WNT2B: variants seen among roughly 807,000 people sequenced by gnomAD.
The protein encoded by WNT2B is Wnt family member 2B, also known as protein Wnt-2b.
A neutral mutation model predicts 40.5 loss-of-function variants in WNT2B; 19 were observed. The observed-to-expected ratio is 0.47, with a 90% CI of 0.33 to 0.69. The LOEUF is 0.69. Ranked by LOEUF, WNT2B falls within the 30% of genes least tolerant of loss-of-function variation. WNT2B has a pLI of 0.02. For synonymous variants in WNT2B, 220 were observed against 211.9 expected (o/e 1.04, Z -0.33); for missense variants, 467 against 556.4 (o/e 0.84, Z 1.62).
intron 1 of WNT2B, among the ~76,000 whole-genome samples, chr1:112,472,111 A>C (rs1337554288): frequency 6.6e-6 from 1 of 152,262 alleles, no homozygotes; most frequent in African/African-American, 2.4e-5. Context: ...TGACGATCAG[A>C]CAACAAAGGA....
chr1:112,519,257 A>G (rs1652725156), intron 4 of WNT2B, among the ~76,000 whole-genome samples: 1 of 152,266 alleles, frequency 6.6e-6, no homozygotes, highest in African/African-American at 2.4e-5. Context: ...GTGTTCCACT[A>G]TATGAATATG....
chr1:112,495,224 A>G (rs973818352), intron 1 of WNT2B, among the ~76,000 whole-genome samples: 5 of 151,464 alleles, frequency 3.3e-5, no homozygotes, highest in African/African-American at 1.2e-4. Context: ...GCAGAAGACA[A>G]AAATAGGTAC....
intron 1 of WNT2B, among the ~76,000 whole-genome samples, chr1:112,495,588 CAAA>C (rs1172484242): frequency 3.2e-5 from 3 of 94,506 alleles, no homozygotes; most frequent in African/African-American, 3.5e-5. Context: ...GACTCTGTCT[CAAA>C]AAAAAAAAAA....
chr1:112,525,525 C>CCGCCG lies in WNT2B; in HGVS notation c.*5016_*5017insCGCCG. On this transcript the variant is annotated 3_prime_UTR_variant, in exon 5 of 5. Transcript: ENST00000369684. ...ATATTATCTCTGAGCATCTCGGTGG[C>CCGCCG]TATTCCTCATTTACTTAAGATGTTT... 6.6e-6 allele frequency: 1 copy of CCGCCG among 151,148 alleles called. No homozygotes were observed. The highest frequency in any genetic ancestry group is 6.6e-5 in the Admixed American group (1 of 15,230). 9.4% of individuals were successfully genotyped at this position (151,148 alleles called of 1,614,324 possible). A position where few individuals can be genotyped will look rare whatever the true frequency, so the allele number is the denominator to read the frequency against.
chr1:112,514,794 C>A (rs1652468456), intron 1 of WNT2B, 80 bp from the exon 2 acceptor site: 2 of 1,405,820 alleles, frequency 1.4e-6, no homozygotes, highest in South Asian at 1.2e-5. Flanking sequence ...GGTCTGGATG[C>A]TAAACGTACC....
At position 112,486,056 on chromosome 1, in the gene WNT2B, A is replaced by AC. The variant is rs554705070; in HGVS notation, c.-95+18467dup. Among the ~76,000 whole-genome samples, 370 of 152,030 alleles carry AC rather than the reference A, an allele frequency of 2.4e-3. 2 individuals are homozygous for AC. The highest frequency in any genetic ancestry group is 8.3e-3 in the African/African-American group (343 of 41,376). On this transcript the variant is annotated intron_variant, in intron 1 of 4. Coordinates refer to the WNT2B transcript ENST00000256640. ...ATTGTTGGGTTTGATTTGATAAAACACCAGCTACTGGAAGGCTGGGAGGAT... is the reference window on the plus strand; with the variant it reads ...ATTGTTGGGTTTGATTTGATAAAACACCCAGCTACTGGAAGGCTGGGAGGAT...
At chr1:112,473,194 G>A (rs890033465) in intron 1 of WNT2B, among the ~76,000 whole-genome samples, 9 of 140,206 alleles carry the variant, frequency 6.4e-5, no homozygotes, top group East Asian at 2.2e-4. Flanking sequence ...GGACAGGAGA[G>A]AGGGAGGGAA....
chr1:112,516,015 G>C, intron 2 of WNT2B, 125 bp from the exon 3 acceptor site: 1 of 1,254,462 alleles, frequency 8.0e-7, no homozygotes, highest in Non-Finnish European at 1.1e-6. Flanking sequence ...AATAAAGGGG[G>C]TGTAGGGGTG....
chr1:112,517,130 C>T lies in WNT2B; in HGVS notation c.691C>T (p.Arg231Trp), dbSNP rs1159877308. Residue 231 changes from arginine (R) to tryptophan (W), a missense_variant, in exon 4 of 5, where the codon CGG (arginine) becomes TGG (tryptophan). Transcript: ENST00000369684. Reference protein sequence around the residue: ...NNRCGRTAVRRFLKLECKCHG... With the variant: ...NNRCGRTAVRWFLKLECKCHG... ...CTTCCCCCTCCCCCAGGCTGTGCGGCGGTTTCTGAAGCTGGAGTGTAAGTG... is the reference window on the plus strand; with the variant it reads ...CTTCCCCCTCCCCCAGGCTGTGCGGTGGTTTCTGAAGCTGGAGTGTAAGTG... 9.9e-6 allele frequency: 16 copies of T among 1,610,934 alleles called. No individual in the cohort carries two copies. The highest frequency in any genetic ancestry group is 2.2e-5 in the South Asian group (2 of 90,998).
At chr1:112,490,170 G>C (rs528882102) in intron 1 of WNT2B, among the ~76,000 whole-genome samples, 2 of 152,230 alleles carry the variant, frequency 1.3e-5, no homozygotes, top group African/African-American at 4.8e-5. Flanking sequence ...ATGATGATCA[G>C]TGTTAAGAAC....
chr1:112,485,127 A>G (rs958130535), intron 1 of WNT2B, among the ~76,000 whole-genome samples: 17 of 152,232 alleles, frequency 1.1e-4, no homozygotes, highest in African/African-American at 4.1e-4. Flanking sequence ...AACAAATTAG[A>G]AAATGTCACT....
chr1:112,477,383 T>C (rs1028171066), intron 1 of WNT2B, among the ~76,000 whole-genome samples: 3 of 152,176 alleles, frequency 2.0e-5, no homozygotes, highest in Non-Finnish European at 4.4e-5. Context: ...CACTTATAAA[T>C]GGTCTTTCCC....
chr1:112,514,475 G>A (rs1251734698), intron 1 of WNT2B, among the ~76,000 whole-genome samples: 1 of 152,216 alleles, frequency 6.6e-6, no homozygotes, highest in Non-Finnish European at 1.5e-5. Context: ...GGGAGCATAA[G>A]AGTGTTGTCT....
In WNT2B at chr1:112,526,409, G is replaced by A; in HGVS notation, c.*5900G>A. 1 of 256,450 alleles carries A rather than the reference G, an allele frequency of 3.9e-6. No individual in the cohort carries two copies. The highest frequency in any genetic ancestry group is 7.6e-6 in the Non-Finnish European group (1 of 132,326). 15.9% of individuals were successfully genotyped at this position (256,450 alleles called of 1,614,324 possible). Reference sequence around the variant, plus strand: ...TTATGCTAAATGTATAGACACAGTAGAAGTAGTCATGACAGAAAATTATTA... The same window carrying A: ...TTATGCTAAATGTATAGACACAGTAAAAGTAGTCATGACAGAAAATTATTA... On this transcript the variant is annotated 3_prime_UTR_variant, in exon 5 of 5. Coordinates refer to ENST00000369684, the MANE Select transcript of WNT2B (RefSeq NM_024494.3).
chr1:112,476,800 A>C (rs1402706585), intron 1 of WNT2B, among the ~76,000 whole-genome samples: 2 of 152,146 alleles, frequency 1.3e-5, no homozygotes, highest in Non-Finnish European at 2.9e-5. Flanking sequence ...CTGGAGAAGA[A>C]GCTGCTGTGT....
chr1:112,520,233 AGCTG>A lies in WNT2B; in HGVS notation c.947-46_947-43del, dbSNP rs1245321263. ...GAATGTGGTTAAGGGTATCCAGGGC[AGCTG>A]AAGAGATAACTTTGTTCTCACTCCC... On this transcript the variant is annotated intron_variant, in intron 4 of 4. Transcript: ENST00000369684. The A allele has an allele frequency of 9.7e-6, 15 of 1,553,086 alleles. No individual in the cohort carries two copies. In the African/African-American group the frequency reaches 1.9e-4, roughly 20 times the overall value.
chr1:112,491,215 C>T, intron 1 of WNT2B: 1 of 792,188 alleles, frequency 1.3e-6, no homozygotes, highest in Non-Finnish European at 2.0e-6. Context: ...CGAGACCAGC[C>T]TGGCCAACAT....
intron 1 of WNT2B, among the ~76,000 whole-genome samples, chr1:112,485,228 A>G (rs949284071): frequency 6.6e-6 from 1 of 152,354 alleles, no homozygotes; most frequent in South Asian, 2.1e-4. Context: ...TGGGAGGCCA[A>G]TGCTGGCAGA....
At position 112,509,974 on chromosome 1, in the gene WNT2B, TA is replaced by T. The variant is rs1652292743; in HGVS notation, c.182+534del. 2.6e-5 allele frequency among the ~76,000 whole-genome samples: 4 copies of T among 152,148 alleles called. No homozygotes were observed. The highest frequency in any genetic ancestry group is 1.5e-5 in the Non-Finnish European group (1 of 68,018). ...AATTTACCCCATTAACTCCCACAATTAAAACAAACAAAACGCATGGGTTTGC... is the reference window on the plus strand; with the variant it reads ...AATTTACCCCATTAACTCCCACAATTAAACAAACAAAACGCATGGGTTTGC... On this transcript the variant is annotated intron_variant, in intron 1 of 4. Coordinates refer to ENST00000369684, the MANE Select transcript of WNT2B (RefSeq NM_024494.3). This position sits in a 1 kb window ranked among gnomAD's most constrained non-coding sequence, Gnocchi z 4.2.
Sources: gnomAD v4.1 joint callset for allele counts (sites outside exome capture counted in the v4.1 genomes callset) on GRCh38, gnomAD v4.1.1 for gene constraint, Gnocchi (gnomAD v3.1) non-coding constraint, MANE v1.5 for transcripts, NCBI Gene and HGNC (gene_info 2026-07-23, HGNC 2026-07-21) for gene names.